Variants in UBA6 observed in about 807,000 individuals in gnomAD.
The protein encoded by UBA6 is ubiquitin-like modifier-activating enzyme 6.
Under a neutral mutation model 148.3 loss-of-function variants are expected in UBA6, and 87 were observed. The ratio of observed to expected loss-of-function variants is 0.59; its 90% CI spans 0.49 to 0.70. UBA6 has a LOEUF of 0.70. Ranked by LOEUF, UBA6 falls within the 30% of genes least tolerant of loss-of-function variation. The pLI is 0.00. For missense variants in UBA6, 1,186 were observed against 1,241.2 expected, an observed-to-expected ratio of 0.96 and a Z score of 0.67; for synonymous variants, 376 against 401.0, an observed-to-expected ratio of 0.94 and a Z score of 0.75.
At chr4:67,662,851 A>G (rs374267007) in intron 12 of UBA6, 1 of 255,094 alleles carries the variant, frequency 3.9e-6, no homozygotes. Flanking sequence ...AAAAATTACT[A>G]TGTGTTAATA....
chr4:67,699,872 G>A (rs1340803276), intron 1 of UBA6, among the ~76,000 whole-genome samples: 1 of 152,174 alleles, frequency 6.6e-6, no homozygotes, highest in East Asian at 1.9e-4. Flanking sequence ...CCAAAGCGCT[G>A]GGATTGCAAG....
intron 18 of UBA6, 82 bp downstream of exon 18, chr4:67,641,069 C>A: frequency 1.2e-6 from 1 of 817,944 alleles, no homozygotes; most frequent in South Asian, 1.7e-5. Context: ...CACGATTGTT[C>A]AATCACTATT....
chr4:67,680,332 T>C (rs1296966265), intron 4 of UBA6, among the ~76,000 whole-genome samples: 1 of 152,158 alleles, frequency 6.6e-6, no homozygotes, highest in African/African-American at 2.4e-5. Flanking sequence ...TGTCTCCTGA[T>C]GGGAGAACAG....
chr4:67,653,412 G>A (rs1238056628), intron 13 of UBA6, among the ~76,000 whole-genome samples: 3 of 152,172 alleles, frequency 2.0e-5, no homozygotes, highest in African/African-American at 4.8e-5. Context: ...TGGACCTCCA[G>A]CAAACTCCAA....
chr4:67,693,711 G>A (rs1730753771), intron 2 of UBA6, among the ~76,000 whole-genome samples: 1 of 152,140 alleles, frequency 6.6e-6, no homozygotes, highest in African/African-American at 2.4e-5. Context: ...CGGAACTGTG[G>A]CTGTGTGAAA....
chr4:67,631,325 TGA>T (rs1728992437), intron 25 of UBA6, among the ~76,000 whole-genome samples: 1 of 152,212 alleles, frequency 6.6e-6, no homozygotes, highest in African/African-American at 2.4e-5. Context: ...GAAAATAATT[TGA>T]GATTTAGGGA....
At chr4:67,647,137 T>G (rs985280219) in intron 14 of UBA6, among the ~76,000 whole-genome samples, 44 of 152,236 alleles carry the variant, frequency 2.9e-4, no homozygotes, top group African/African-American at 1.1e-3. Context: ...CAATTTCAGC[T>G]ACATTTGAAT....
At chr4:67,686,677 T>G (rs1314051552) in intron 2 of UBA6, among the ~76,000 whole-genome samples, 1 of 151,526 alleles carries the variant, frequency 6.6e-6, no homozygotes, top group Non-Finnish European at 1.5e-5. Context: ...TGTAGTAGGG[T>G]GCGATGGCTC....
chr4:67,699,582 TA>T (rs1730922741), intron 1 of UBA6, among the ~76,000 whole-genome samples: 2 of 152,036 alleles, frequency 1.3e-5, no homozygotes, highest in Non-Finnish European at 1.5e-5. Flanking sequence ...TAACAAAATA[TA>T]AAAATTAACA....
At chr4:67,674,200 C>T (rs147581957) in intron 6 of UBA6, among the ~76,000 whole-genome samples, 122 of 152,294 alleles carry the variant, frequency 8.0e-4, no homozygotes, top group Admixed American at 3.9e-3. Flanking sequence ...TAGAACATGT[C>T]CATCTGTGGA....
chr4:67,661,918 TAAAA>T, intron 13 of UBA6: 1 of 427,070 alleles, frequency 2.3e-6, no homozygotes, highest in Non-Finnish European at 4.1e-6. Flanking sequence ...TAGTAACAGT[TAAAA>T]AAATAGCAGC....
At chr4:67,633,103 G>A (rs931043649) in intron 23 of UBA6, among the ~76,000 whole-genome samples, 2 of 152,158 alleles carry the variant, frequency 1.3e-5, no homozygotes, top group South Asian at 4.1e-4. Flanking sequence ...TCAGATATGG[G>A]TGGAAATGGC....
intron 27 of UBA6, 102 bp from the exon 28 acceptor site, chr4:67,626,579 C>G (rs560099096): frequency 2.7e-6 from 2 of 741,240 alleles, no homozygotes; most frequent in East Asian, 5.6e-5. Context: ...AATATTTTCT[C>G]TATATATTTT....
intron 18 of UBA6, 125 bp from the exon 19 acceptor site, chr4:67,639,249 G>T: frequency 1.5e-6 from 1 of 658,812 alleles, no homozygotes; most frequent in South Asian, 3.1e-5. Flanking sequence ...TATAATGAGA[G>T]TAATGAGACC....
intron 2 of UBA6, among the ~76,000 whole-genome samples, chr4:67,691,435 T>A (rs1336035931): frequency 6.6e-6 from 1 of 152,198 alleles, no homozygotes; most frequent in African/African-American, 2.4e-5. Flanking sequence ...TTGTAGCTAC[T>A]TCCAGTTGCT....
intron 7 of UBA6, 42 bp from the exon 8 acceptor site, chr4:67,670,634 G>T: frequency 6.8e-7 from 1 of 1,476,196 alleles, no homozygotes; most frequent in Non-Finnish European, 9.3e-7. Flanking sequence ...TTTATATAAA[G>T]AAAAAAACAC....
intron 4 of UBA6, among the ~76,000 whole-genome samples, chr4:67,681,038 C>T (rs1484144029): frequency 6.6e-6 from 1 of 152,178 alleles, no homozygotes; most frequent in African/African-American, 2.4e-5. Flanking sequence ...TTGTAAGAGA[C>T]TCCCAGAGAA....
rs1728627308 is a variant in UBA6 at position 67,616,402 on chromosome 4, G to A, written c.*2595C>T. 3 of 320,600 alleles carry A rather than the reference G, an allele frequency of 9.4e-6. No homozygotes were observed. Among genetic ancestry groups the A allele is most frequent in the African/African-American group, 4.3e-5 (2 of 47,040 alleles). The allele number at this position is 320,600 out of a possible 1,614,324, so 19.9% of individuals were successfully genotyped here. On this transcript the variant is annotated 3_prime_UTR_variant, in exon 33 of 33. Transcript: ENST00000322244. ...CATAGTTGCTTTTTTAATGTTCCAT[G>A]AATATCACCAGAGTGTGACATAGTA...
At chr4:67,695,160 T>G (rs1467150383) in intron 2 of UBA6, among the ~76,000 whole-genome samples, 2 of 152,092 alleles carry the variant, frequency 1.3e-5, no homozygotes, top group Non-Finnish European at 2.9e-5. Context: ...CTCAAAGAGG[T>G]GCCATTTGTT....
Sources: gnomAD v4.1 joint callset for allele counts (sites outside exome capture counted in the v4.1 genomes callset) on GRCh38, gnomAD v4.1.1 for gene constraint, MANE v1.5 for transcripts, NCBI Gene and HGNC (gene_info 2026-07-23, HGNC 2026-07-21) for gene names.